Variants in DMD observed in about 807,000 individuals in gnomAD.
The protein encoded by DMD is mutant dystrophin.
In DMD, 63 loss-of-function variants were observed where a neutral mutation model predicts 330.1. That is an observed-to-expected ratio of 0.19 (90% CI 0.16 to 0.24). The LOEUF (loss-of-function observed/expected upper bound fraction) is 0.24. DMD is among the 10% of genes least tolerant of loss of function. The pLI, the probability that DMD is intolerant of heterozygous loss-of-function variation, is 1.00. For synonymous variants in DMD, 1,223 were observed against 959.8 expected (o/e 1.27, Z -5.07); for missense variants, 3,344 against 2,684.1 (o/e 1.25, Z -5.43).
At position 32,346,047 on chromosome X, in the gene DMD, A is replaced by G; in HGVS notation, c.5482T>C (p.Leu1828=). The change falls in exon 39 of 79, where the codon TTG becomes CTG. Residue 1828 remains leucine, a synonymous_variant. Coordinates refer to ENST00000357033, the MANE Select transcript of DMD (RefSeq NM_004006.3). ...TGTTGTAAGTTGTCTCCTCTTTGCA[A>G]CAATTCTTTTACAGTACCCTCATTG... ...EDNEGTVKEL[L]QRGDNLQQRI... 2 of 1,209,821 alleles carry G rather than the reference A, an allele frequency of 1.7e-6. No individual in the cohort carries two copies. Among genetic ancestry groups the G allele is most frequent in the Non-Finnish European group, 2.2e-6 (2 of 894,282 alleles).
upstream of DMD, among the ~76,000 whole-genome samples, chrX:33,215,453 A>G (rs1225514956): frequency 9.9e-5 from 11 of 111,396 alleles, no homozygotes; most frequent in Admixed American, 8.6e-4. Flanking sequence ...ATATTTTGTG[A>G]ATATTTTCTC....
chrX:33,115,629 A>G (rs1180047669), intron 1 of DMD, among the ~76,000 whole-genome samples: 1 of 107,066 alleles, frequency 9.3e-6, no homozygotes, highest in African/African-American at 3.4e-5. Context: ...CTCCTGCCTC[A>G]GCCTCCTGAG....
chrX:31,564,665 T>G (rs2075375167), intron 55 of DMD, among the ~76,000 whole-genome samples: 1 of 112,504 alleles, frequency 8.9e-6, no homozygotes, highest in Non-Finnish European at 1.9e-5. Flanking sequence ...AGCTTTCTTT[T>G]TACTATCTTA....
At chrX:33,302,191 T>C (rs1024068967) in intron 1 of DMD, among the ~76,000 whole-genome samples, 5 of 111,795 alleles carry the variant, frequency 4.5e-5, no homozygotes, top group African/African-American at 1.6e-4. Context: ...GCTGGTCATT[T>C]CCACTTTTCT....
intron 2 of DMD, among the ~76,000 whole-genome samples, chrX:32,933,729 C>CGA (rs779244046): frequency 9.0e-6 from 1 of 111,725 alleles, no homozygotes; most frequent in East Asian, 2.8e-4. Flanking sequence ...GAGGCAGTGA[C>CGA]GAGAGTGTTA....
At chrX:32,200,012 T>G (rs2147705453) in intron 44 of DMD, among the ~76,000 whole-genome samples, 1 of 110,982 alleles carries the variant, frequency 9.0e-6, no homozygotes, top group South Asian at 3.9e-4. Flanking sequence ...CCACAGATTA[T>G]ATTGTTACTT....
chrX:31,896,188 T>G (rs901720001), intron 47 of DMD, among the ~76,000 whole-genome samples: 2 of 112,112 alleles, frequency 1.8e-5, no homozygotes, highest in Non-Finnish European at 1.9e-5. Flanking sequence ...TGGCAGGGTC[T>G]TCCTAAATTG....
intron 11 of DMD, among the ~76,000 whole-genome samples, chrX:32,636,964 C>A (rs1348157327): frequency 9.1e-6 from 1 of 109,376 alleles, no homozygotes; most frequent in African/African-American, 3.3e-5. Flanking sequence ...CGCCACTGCA[C>A]TCCAGCCTGG....
chrX:33,224,757 G>C (rs1313626631), intron 1 of DMD, among the ~76,000 whole-genome samples: 2 of 111,242 alleles, frequency 1.8e-5, no homozygotes, highest in African/African-American at 6.5e-5. Flanking sequence ...TTCATTTATT[G>C]TAACGAATGT....
chrX:32,828,642 C>T (rs1031105984), intron 4 of DMD, among the ~76,000 whole-genome samples: 2 of 110,091 alleles, frequency 1.8e-5, no homozygotes, highest in East Asian at 2.8e-4. Flanking sequence ...CATATGTATA[C>T]ATCTATATAC....
intron 74 of DMD, 94 bp downstream of exon 74, chrX:31,169,349 T>A: frequency 1.6e-6 from 1 of 641,660 alleles, no homozygotes; most frequent in Non-Finnish European, 2.5e-6. Context: ...CAATTAGACA[T>A]AAAATGACTC....
intron 48 of DMD, among the ~76,000 whole-genome samples, chrX:31,843,301 C>T (rs2093351371): frequency 8.9e-6 from 1 of 111,798 alleles, no homozygotes; most frequent in African/African-American, 3.2e-5. Context: ...AACTGCTTTC[C>T]ACAGTGGGTG....
intron 21 of DMD, among the ~76,000 whole-genome samples, chrX:32,478,875 G>T (rs773260999): frequency 9.0e-6 from 1 of 110,987 alleles, no homozygotes; most frequent in Non-Finnish European, 1.9e-5. Flanking sequence ...GATCACCATA[G>T]AATTTGTTTT....
chrX:32,814,039 A>G (rs1158065938), intron 6 of DMD, among the ~76,000 whole-genome samples: 1 of 111,490 alleles, frequency 9.0e-6, no homozygotes, highest in Non-Finnish European at 1.9e-5. Context: ...CCAAAGTACA[A>G]GTAGCTGACA....
intron 7 of DMD, among the ~76,000 whole-genome samples, chrX:32,804,476 A>T (rs1316025945): frequency 8.9e-6 from 1 of 112,370 alleles, no homozygotes; most frequent in East Asian, 2.8e-4. Flanking sequence ...AGCCCCAGTC[A>T]GCGGCTTACA....
At chrX:32,607,786 TA>T (rs1427375062) in intron 12 of DMD, among the ~76,000 whole-genome samples, 1 of 110,781 alleles carries the variant, frequency 9.0e-6, no homozygotes, top group African/African-American at 3.3e-5. Context: ...AAATGTTTTT[TA>T]TAATTAGTTT....
At chrX:31,794,319 G>A (rs980637999) in intron 50 of DMD, among the ~76,000 whole-genome samples, 3 of 111,446 alleles carry the variant, frequency 2.7e-5, no homozygotes, top group East Asian at 2.8e-4. Flanking sequence ...GGCTGTGATC[G>A]GGATGATTGA....
In DMD at chrX:32,865,228, C is replaced by T. The variant is rs749428294; in HGVS notation, c.94-15408G>A. Among the ~76,000 whole-genome samples the T allele has an allele frequency of 4.5e-5, 5 of 111,160 alleles. No individual in the cohort carries two copies. In the East Asian group the frequency reaches 1.4e-3, roughly 31 times the overall value. The stretch of plus-strand genomic sequence containing the variant: ...GAAGATAAAAGATAAAAACATACTG[C>T]CACTGTTTTCACAGCTTTTGTAATA... On this transcript the variant is annotated intron_variant, in intron 2 of 78. Transcript: ENST00000357033.
chrX:31,474,985 C>T (rs1043126936), intron 59 of DMD, among the ~76,000 whole-genome samples: 2 of 110,494 alleles, frequency 1.8e-5, no homozygotes, highest in Non-Finnish European at 3.8e-5. Context: ...TTTATTTCCA[C>T]TGCAAAATTA....
Sources: gnomAD v4.1 joint callset for allele counts (sites outside exome capture counted in the v4.1 genomes callset) on GRCh38, gnomAD v4.1.1 for gene constraint, MANE v1.5 for transcripts, NCBI Gene and HGNC (gene_info 2026-07-23, HGNC 2026-07-21) for gene names.